Variants in RICTOR observed in about 807,000 individuals in gnomAD.
The protein encoded by RICTOR is rapamycin-insensitive companion of mTOR.
Under a neutral mutation model 214.9 loss-of-function variants are expected in RICTOR, and 49 were observed. That is an observed-to-expected ratio of 0.23 (90% CI 0.18 to 0.29). The LOEUF (loss-of-function observed/expected upper bound fraction) is 0.29. RICTOR is among the 10% of genes least tolerant of loss of function. RICTOR has a pLI of 1.00. For missense variants in RICTOR, 1,625 were observed against 2,047.0 expected, an observed-to-expected ratio of 0.79 and a Z score of 3.98; for synonymous variants, 717 against 711.3, an observed-to-expected ratio of 1.01 and a Z score of -0.13.
chr5:38,993,257 T>C (rs534866343), intron 6 of RICTOR, among the ~76,000 whole-genome samples: 4 of 152,264 alleles, frequency 2.6e-5, no homozygotes, highest in African/African-American at 7.2e-5. Context: ...CCAATGAATC[T>C]CTTTCAAATG....
intron 2 of RICTOR, among the ~76,000 whole-genome samples, chr5:39,044,384 C>G (rs946999287): frequency 1.3e-5 from 2 of 152,222 alleles, no homozygotes; most frequent in South Asian, 4.1e-4. Context: ...TTTTAACAAT[C>G]TGGCATTTAT....
rs1217450624 is a variant in RICTOR at position 38,939,434 on chromosome 5, T to A, written c.*2870A>T. The A allele has an allele frequency of 4.3e-6, 1 of 232,046 alleles. No homozygotes were observed. The highest frequency in any genetic ancestry group is 8.5e-6 in the Non-Finnish European group (1 of 117,450). 14.4% of individuals were successfully genotyped at this position (232,046 alleles called of 1,614,324 possible). ...TCTACTAATCGTTATTAGAAAAAAT[T>A]TAATTAGGGAGAACAGACTGTTTCC... On this transcript the variant is annotated 3_prime_UTR_variant, in exon 38 of 38. Coordinates refer to ENST00000357387, the MANE Select transcript of RICTOR (RefSeq NM_152756.5).
In RICTOR at chr5:38,993,732, T is replaced by C. The variant is rs543185881; in HGVS notation, c.457-2657A>G. Reference sequence around the variant, plus strand: ...ATTAAATATTAATTTATACTGCAGGTTGAGCATCCCTAATCCAAAAATCCA... The same window carrying C: ...ATTAAATATTAATTTATACTGCAGGCTGAGCATCCCTAATCCAAAAATCCA... On this transcript the variant is annotated intron_variant, in intron 6 of 37. Coordinates refer to ENST00000357387, the MANE Select transcript of RICTOR (RefSeq NM_152756.5). Among the ~76,000 whole-genome samples, 3 of 152,224 alleles carry C rather than the reference T, an allele frequency of 2.0e-5. No homozygotes were observed. The South Asian group carries it at 6.2e-4, about 32-fold the overall frequency.
rs1242276600 is a variant in RICTOR, at chr5:38,938,280, CTG to C, written c.*4022_*4023del. The C allele has an allele frequency of 3.1e-5, 7 of 227,334 alleles. No homozygotes were observed. Among genetic ancestry groups the C allele is most frequent in the African/African-American group, 1.1e-4 (5 of 44,978 alleles). The allele number at this position is 227,334 out of a possible 1,614,324, so 14.1% of individuals were successfully genotyped here. On this transcript the variant is annotated 3_prime_UTR_variant, in exon 38 of 38. Transcript: ENST00000357387. ...CTCATGTGGTTAGAGAGCATTAAGT[CTG>C]AGATTTTTTTCACAATTCCTTACCA...
At chr5:38,955,476 T>A in intron 26 of RICTOR, 119 bp downstream of exon 26, 1 of 650,456 alleles carries the variant, frequency 1.5e-6, no homozygotes, top group Non-Finnish European at 2.7e-6. Flanking sequence ...TTTTGAGCAA[T>A]TAATGCTGCG....
At chr5:39,040,400 G>C (rs1488491462) in intron 2 of RICTOR, among the ~76,000 whole-genome samples, 3 of 151,716 alleles carry the variant, frequency 2.0e-5, no homozygotes, top group Non-Finnish European at 2.9e-5. Context: ...ACACCAAGAT[G>C]GCACATGTGT....
chr5:38,956,237 C>T (rs1486362090), intron 25 of RICTOR, among the ~76,000 whole-genome samples: 2 of 152,012 alleles, frequency 1.3e-5, no homozygotes, highest in Admixed American at 1.3e-4. Flanking sequence ...CTAGACTTTA[C>T]CTTCAATGAT....
chr5:38,990,699 TATCA>T, intron 7 of RICTOR, among the ~76,000 whole-genome samples: 1 of 127,260 alleles, frequency 7.9e-6, no homozygotes, highest in Non-Finnish European at 1.6e-5. Flanking sequence ...ATATGATATA[TATCA>T]GATATGATAT....
At chr5:39,058,751 T>C (rs1174433925) in intron 2 of RICTOR, among the ~76,000 whole-genome samples, 1 of 152,118 alleles carries the variant, frequency 6.6e-6, no homozygotes, top group Non-Finnish European at 1.5e-5. Flanking sequence ...TTTTTCTCTG[T>C]AGAAATACTA....
chr5:38,971,373 A>ATTTT (rs1561477192), intron 11 of RICTOR: 1 of 100,714 alleles, frequency 9.9e-6, no homozygotes, highest in African/African-American at 3.2e-5. Flanking sequence ...TAACAACAGC[A>ATTTT]ATTTTTTTTT....
chr5:39,062,254 GAACA>G (rs1374846313), intron 2 of RICTOR, among the ~76,000 whole-genome samples: 4 of 151,942 alleles, frequency 2.6e-5, no homozygotes, highest in Non-Finnish European at 5.9e-5. Context: ...CACATACACT[GAACA>G]AACAGTTTCA....
intron 6 of RICTOR, among the ~76,000 whole-genome samples, chr5:38,994,915 T>C (rs1219492917): frequency 6.6e-6 from 1 of 152,196 alleles, no homozygotes; most frequent in Non-Finnish European, 1.5e-5. Flanking sequence ...GTCCTTAAGA[T>C]ATTTTCAGAG....
At chr5:38,990,570 T>C (rs1752548196) in intron 7 of RICTOR, among the ~76,000 whole-genome samples, 1 of 146,108 alleles carries the variant, frequency 6.8e-6, no homozygotes, top group Admixed American at 6.9e-5. Context: ...ATATACACGA[T>C]ATATATGATA....
At chr5:38,982,761 TATAC>T (rs1225320106) in intron 7 of RICTOR, among the ~76,000 whole-genome samples, 3 of 143,188 alleles carry the variant, frequency 2.1e-5, no homozygotes, top group African/African-American at 7.8e-5. Flanking sequence ...AGTTTAAAAT[TATAC>T]ATACATACAC....
chr5:38,973,387 T>C (rs1173744329), intron 10 of RICTOR, among the ~76,000 whole-genome samples: 1 of 152,152 alleles, frequency 6.6e-6, no homozygotes, highest in Non-Finnish European at 1.5e-5. Flanking sequence ...CTTTAAGATA[T>C]ATTAGAATAA....
At chr5:39,002,264 C>G (rs1753696652) in intron 5 of RICTOR, among the ~76,000 whole-genome samples, 1 of 151,232 alleles carries the variant, frequency 6.6e-6, no homozygotes, top group South Asian at 2.1e-4. Flanking sequence ...ACACACAATG[C>G]TCAAGAACAG....
Position 38,941,256 on chromosome 5 carries a change from A to C in RICTOR, c.*1048T>G, listed in dbSNP as rs1473438072. On this transcript the variant is annotated 3_prime_UTR_variant, in exon 38 of 38. Coordinates refer to ENST00000357387, the MANE Select transcript of RICTOR (RefSeq NM_152756.5). ...AAAACACTGATATAAAAATTAAGTT[A>C]CTGCTGCTTTAAAATTTGGTACTTA... 2.8e-4 allele frequency: 66 copies of C among 232,578 alleles called. 1 individual carries two copies. The East Asian group carries it at 4.0e-3, about 14-fold the overall frequency. The allele number at this position is 232,578 out of a possible 1,614,324, so 14.4% of individuals were successfully genotyped here. A position where few individuals can be genotyped will look rare whatever the true frequency, so the allele number is the denominator to read the frequency against.
At chr5:39,065,408 A>C (rs1758830686) in intron 2 of RICTOR, among the ~76,000 whole-genome samples, 1 of 152,116 alleles carries the variant, frequency 6.6e-6, no homozygotes, top group South Asian at 2.1e-4. Flanking sequence ...TTACAATTCA[A>C]CATGAGATTC....
At chr5:38,952,535 A>G (rs897966471) in intron 29 of RICTOR, 110 bp from the exon 30 acceptor site, 3 of 609,752 alleles carry the variant, frequency 4.9e-6, no homozygotes, top group African/African-American at 2.5e-5. Context: ...AAAACCCACC[A>G]AAATGGTTGC....
Sources: gnomAD v4.1 joint callset for allele counts (sites outside exome capture counted in the v4.1 genomes callset) on GRCh38, gnomAD v4.1.1 for gene constraint, MANE v1.5 for transcripts, NCBI Gene and HGNC (gene_info 2026-07-23, HGNC 2026-07-21) for gene names.